Variants in TMEM50B observed in about 807,000 individuals in gnomAD.
TMEM50B encodes transmembrane protein 50B, also known as HCV p7-trans-regulated protein 3.
Under a neutral mutation model 23.4 loss-of-function variants are expected in TMEM50B, and 14 were observed. That is an observed-to-expected ratio of 0.60 (90% confidence interval 0.39 to 0.93). TMEM50B has a LOEUF of 0.93. Ranked by LOEUF, TMEM50B falls within the 40% of genes least tolerant of loss-of-function variation. The pLI, the probability that TMEM50B is intolerant of heterozygous loss-of-function variation, is 0.00. For synonymous variants in TMEM50B, 64 were observed against 62.3 expected (o/e 1.03, Z -0.13); for missense variants, 159 against 193.0 (o/e 0.82, Z 1.04).
intron 1 of TMEM50B, among the ~76,000 whole-genome samples, chr21:33,475,270 T>C (rs751648411): frequency 2.0e-5 from 3 of 152,184 alleles, no homozygotes; most frequent in Non-Finnish European, 2.9e-5. Context: ...AAAATGATCA[T>C]TGCAATAGTA....
At chr21:33,462,597 A>G (rs1400415884) in intron 4 of TMEM50B, among the ~76,000 whole-genome samples, 1 of 151,932 alleles carries the variant, frequency 6.6e-6, no homozygotes, top group Non-Finnish European at 1.5e-5. Flanking sequence ...GCTTGAGCCC[A>G]GGAGTTCAAG....
chr21:33,468,759 A>G (rs753436838), intron 2 of TMEM50B, 28 bp downstream of exon 2: 8 of 1,580,896 alleles, frequency 5.1e-6, no homozygotes, highest in Admixed American at 1.7e-5. Context: ...TAAGGGATAC[A>G]TGTCACCAAC....
chr21:33,432,625 G>A (rs1189118665), exon 9 of TMEM50B: 3 of 1,421,708 alleles, frequency 2.1e-6, no homozygotes, highest in African/African-American at 2.8e-5. Context: ...GGACAGGAAT[G>A]CTCTTTAAGC....
chr21:33,455,658 T>A, intron 6 of TMEM50B, 69 bp downstream of exon 6: 1 of 1,271,702 alleles, frequency 7.9e-7, no homozygotes, highest in South Asian at 1.2e-5. Context: ...GTTCCATATA[T>A]ATGCTGCCTT....
In TMEM50B at chr21:33,472,807, G is replaced by A. The variant is rs1037060529; in HGVS notation, c.-41-3881C>T. ...GGATCACTTGAACCTGGGAGGCGGA[G>A]GTTGCAGTGAGCCAAGATCACACCA... On this transcript the variant is annotated intron_variant, in intron 1 of 6. Transcript: ENST00000542230. 3.3e-5 allele frequency among the ~76,000 whole-genome samples: 5 copies of A among 152,078 alleles called. No homozygotes were observed. In the East Asian group the frequency reaches 5.8e-4, roughly 18 times the overall value.
chr21:33,478,731 T>A, intron 1 of TMEM50B: 1 of 468,690 alleles, frequency 2.1e-6, no homozygotes, highest in South Asian at 1.6e-5. Flanking sequence ...AATAACAAAG[T>A]CTTGCACCAC....
At chr21:33,459,603 G>C (rs754955266) in intron 5 of TMEM50B, among the ~76,000 whole-genome samples, 8 of 150,366 alleles carry the variant, frequency 5.3e-5, no homozygotes, top group Non-Finnish European at 8.9e-5. Flanking sequence ...GTGAGGCGGA[G>C]GTTGCAGTGA....
At chr21:33,467,297 C>CA (rs2084273180) in intron 2 of TMEM50B, among the ~76,000 whole-genome samples, 175 bp from the exon 3 acceptor site, 1 of 152,090 alleles carries the variant, frequency 6.6e-6, no homozygotes, top group African/African-American at 2.4e-5. Flanking sequence ...GTCAGGAGTT[C>CA]AAGCCTGGTC....
chr21:33,473,452 CGGAAG>C (rs2084336493), intron 1 of TMEM50B, among the ~76,000 whole-genome samples: 1 of 116,464 alleles, frequency 8.6e-6, no homozygotes. Context: ...GACTCTGTCT[CGGAAG>C]AAAAAAAAAA....
chr21:33,439,902 T>C (rs143546764), intron 7 of TMEM50B, among the ~76,000 whole-genome samples: 1,520 of 151,682 alleles, frequency 0.01, 33 homozygotes, highest in African/African-American at 0.035. Context: ...AAAAATTAGC[T>C]GGGCGTGGTG....
rs2084109812 is a variant in TMEM50B, at chr21:33,450,549, A to AG, written c.*268dup. On this transcript the variant is annotated 3_prime_UTR_variant, in exon 7 of 7. Coordinates refer to ENST00000542230, the MANE Select transcript of TMEM50B (RefSeq NM_006134.7). Reference sequence around the variant, plus strand: ...TGACAAGATGATGTAACCCTGGCTCAGGGAGTAGATCAAGTTCTAAATCTC... The same window carrying AG: ...TGACAAGATGATGTAACCCTGGCTCAGGGGAGTAGATCAAGTTCTAAATCTC... 3.1e-6 allele frequency: 1 copy of AG among 318,764 alleles called. No homozygotes were observed. Among genetic ancestry groups the AG allele is most frequent in the Non-Finnish European group, 5.8e-6 (1 of 173,850 alleles). 19.7% of individuals were successfully genotyped at this position (318,764 alleles called of 1,614,324 possible).
intron 5 of TMEM50B, among the ~76,000 whole-genome samples, chr21:33,457,865 C>T (rs190084721): frequency 5.9e-5 from 9 of 152,170 alleles, no homozygotes; most frequent in Admixed American, 2.0e-4. Flanking sequence ...ACCCACCCCC[C>T]GGAACCTAAC....
At position 33,434,939 on chromosome 21, in the gene TMEM50B, T is replaced by C. The variant is rs539483863; in HGVS notation, c.*2121-2137A>G. ...GAAAACACAGGCCTGTCAGTTCACT[T>C]TTCTAGGAAAGCATAAAGAACATCC... is the stretch of plus-strand genomic sequence containing the variant. On this transcript the variant is annotated intron_variant and NMD_transcript_variant, in intron 8 of 8. Coordinates refer to the TMEM50B transcript ENST00000420455. Among the ~76,000 whole-genome samples the C allele has an allele frequency of 1.3e-5, 2 of 152,312 alleles. 1 individual carries two copies. Among genetic ancestry groups the C allele is most frequent in the Admixed American group, 1.3e-4 (2 of 15,288 alleles).
At chr21:33,471,691 T>G (rs560418562) in intron 1 of TMEM50B, among the ~76,000 whole-genome samples, 1 of 151,974 alleles carries the variant, frequency 6.6e-6, no homozygotes, top group Non-Finnish European at 1.5e-5. Flanking sequence ...CCAGGCAACA[T>G]AGCAAGACCC....
intron 3 of TMEM50B, 87 bp from the exon 4 acceptor site, chr21:33,465,496 AT>A: frequency 1.1e-6 from 1 of 949,612 alleles, no homozygotes; most frequent in East Asian, 2.7e-5. Flanking sequence ...CGGAAAACAG[AT>A]TATTTCATAA....
chr21:33,432,841 T>C lies in TMEM50B; in HGVS notation c.*2121-39A>G, dbSNP rs769561382. On this transcript the variant is annotated intron_variant and NMD_transcript_variant, in intron 8 of 8. Coordinates refer to the TMEM50B transcript ENST00000420455. ...GCCTGATTAAATACTGGTTTCACAC[T>C]CCACCAAGCATCCCATTACAGATAG... The C allele has an allele frequency of 6.8e-6, 11 of 1,613,480 alleles. No homozygotes were observed. The highest frequency in any genetic ancestry group is 8.5e-6 in the Non-Finnish European group (10 of 1,179,790).
At chr21:33,434,205 G>A (rs1345092485) in intron 8 of TMEM50B, among the ~76,000 whole-genome samples, 1 of 152,174 alleles carries the variant, frequency 6.6e-6, no homozygotes, top group Non-Finnish European at 1.5e-5. Flanking sequence ...GGGATCAGAG[G>A]CGAGCTGAGA....
downstream of TMEM50B, among the ~76,000 whole-genome samples, chr21:33,446,153 G>A (rs1041613944): frequency 2.2e-4 from 33 of 151,936 alleles, no homozygotes; most frequent in Non-Finnish European, 4.7e-4. Flanking sequence ...CTCTCCTTTT[G>A]TTAATTCCCT....
At chr21:33,457,265 A>G (rs1386841835) in intron 5 of TMEM50B, among the ~76,000 whole-genome samples, 1 of 152,048 alleles carries the variant, frequency 6.6e-6, no homozygotes, top group Non-Finnish European at 1.5e-5. Flanking sequence ...AAAAAAAAAG[A>G]AAAGTATATT....
Sources: gnomAD v4.1 joint callset for allele counts (sites outside exome capture counted in the v4.1 genomes callset) on GRCh38, gnomAD v4.1.1 for gene constraint, MANE v1.5 for transcripts, NCBI Gene and HGNC (gene_info 2026-07-23, HGNC 2026-07-21) for gene names.